CPD: variants seen among roughly 807,000 people sequenced by gnomAD.
CPD encodes the protein metallocarboxypeptidase D.
Under a neutral mutation model 138.3 loss-of-function variants are expected in CPD, and 69 were observed. The ratio of observed to expected loss-of-function variants is 0.50; its 90% CI spans 0.41 to 0.61. The LOEUF (loss-of-function observed/expected upper bound fraction) is 0.61, where lower values mean the gene tolerates loss of function less well. CPD is among the 20% of genes least tolerant of loss of function. CPD has a pLI of 0.00. For synonymous variants in CPD, 651 were observed against 642.1 expected (o/e 1.01, Z -0.21); for missense variants, 1,432 against 1,733.3 (o/e 0.83, Z 3.09).
rs184336537 is a variant in CPD at position 30,447,665 on chromosome 17, T to C, written c.2873+1645T>C. 31 of 152,266 alleles carry C rather than the reference T, an allele frequency of 2.0e-4. No individual in the cohort carries two copies. In the East Asian group the frequency reaches 5.0e-3, roughly 25 times the overall value. The allele number at this position is 152,266 out of a possible 1,614,324, so 9.4% of individuals were successfully genotyped here. On this transcript the variant is annotated intron_variant, in intron 12 of 20. Transcript: ENST00000225719. ...TTTTTAATTAGAAAATGAAGCCTAG[T>C]TGCTGTCCTAATTCTAGTCTCTATT...
intron 2 of CPD, among the ~76,000 whole-genome samples, chr17:30,400,801 G>A (rs1362771058): frequency 6.7e-6 from 1 of 149,634 alleles, no homozygotes; most frequent in African/African-American, 2.5e-5. Flanking sequence ...GGGACTACAG[G>A]CGCCTACCAC....
chr17:30,400,985 C>T (rs1037878673), intron 2 of CPD, among the ~76,000 whole-genome samples: 1 of 151,952 alleles, frequency 6.6e-6, no homozygotes, highest in Non-Finnish European at 1.5e-5. Flanking sequence ...CCTTGCCATC[C>T]TTCTTGAAGG....
intron 2 of CPD, among the ~76,000 whole-genome samples, chr17:30,390,340 T>C (rs1271635334): frequency 2.6e-5 from 4 of 152,192 alleles, no homozygotes; most frequent in Non-Finnish European, 5.9e-5. Flanking sequence ...ATGTTCTATG[T>C]GATATATTTA....
chr17:30,448,727 CCA>C (rs1056495902), intron 12 of CPD, among the ~76,000 whole-genome samples: 3 of 151,982 alleles, frequency 2.0e-5, no homozygotes, highest in Non-Finnish European at 4.4e-5. Flanking sequence ...ATTTTTTTCC[CCA>C]CTCAAATTAC....
At chr17:30,464,094 TAAAG>T (rs1913565025) in intron 20 of CPD, among the ~76,000 whole-genome samples, 1 of 151,930 alleles carries the variant, frequency 6.6e-6, no homozygotes, top group African/African-American at 2.4e-5. Flanking sequence ...TGCATATGCA[TAAAG>T]AAAGATCTGG....
chr17:30,458,877 A>G (rs1188039990), intron 17 of CPD, among the ~76,000 whole-genome samples: 1 of 151,866 alleles, frequency 6.6e-6, no homozygotes. Context: ...AAAAAAAAAA[A>G]AAGAAAAAAA....
chr17:30,451,605 A>T, intron 13 of CPD, 106 bp from the exon 14 acceptor site: 2 of 995,094 alleles, frequency 2.0e-6, no homozygotes, highest in Non-Finnish European at 2.9e-6. Context: ...TCTGTCTTTT[A>T]AATTAACTAT....
chr17:30,417,063 C>T (rs1357773099), intron 2 of CPD, among the ~76,000 whole-genome samples: 1 of 150,886 alleles, frequency 6.6e-6, no homozygotes, highest in East Asian at 1.9e-4. Flanking sequence ...GATCGCGCCA[C>T]TGCACTCCAG....
At chr17:30,388,923 G>A (rs1911269678) in intron 2 of CPD, among the ~76,000 whole-genome samples, 1 of 152,136 alleles carries the variant, frequency 6.6e-6, no homozygotes, top group South Asian at 2.1e-4. Flanking sequence ...CAAGTGGCCC[G>A]CGCAGAGCCT....
Position 30,379,620 on chromosome 17 carries a change from C to G in CPD, c.640C>G (p.Arg214Gly). 6.7e-7 allele frequency: 1 copy of G among 1,484,084 alleles called. No homozygotes were observed. Among genetic ancestry groups the G allele is most frequent in the Non-Finnish European group, 8.8e-7 (1 of 1,132,774 alleles). 91.9% of individuals were successfully genotyped at this position (1,484,084 alleles called of 1,614,324 possible). Reference sequence around the variant, plus strand: ...CAGCGGCCGCGACAATAGTCGCGGCCGCGACCTCAACCGAAGCTTTCCCGA... The same window carrying G: ...CAGCGGCCGCGACAATAGTCGCGGCGGCGACCTCAACCGAAGCTTTCCCGA... The part of the protein sequence containing the change: ...GASGRDNSRG[R>G]DLNRSFPDQF... Residue 214 changes from arginine (R) to glycine (G), a missense_variant, in exon 1 of 21, where the codon CGC (arginine) becomes GGC (glycine). By Grantham distance (125) the Arg-to-Gly change is moderately radical (BLOSUM62 -2). Coordinates refer to ENST00000225719, the MANE Select transcript of CPD (RefSeq NM_001304.5). The surrounding 1 kb of genome is among the most constrained non-coding windows in gnomAD (Gnocchi z 7.0).
chr17:30,427,905 C>T (rs1212168488), intron 7 of CPD, among the ~76,000 whole-genome samples: 1 of 151,418 alleles, frequency 6.6e-6, no homozygotes, highest in Non-Finnish European at 1.5e-5. Context: ...CCTCTCCTCT[C>T]CTTCTCCCCC....
At chr17:30,412,181 A>G (rs1911984983) in intron 2 of CPD, among the ~76,000 whole-genome samples, 1 of 152,198 alleles carries the variant, frequency 6.6e-6, no homozygotes, top group East Asian at 1.9e-4. Context: ...AGGTCTCACC[A>G]GTGGAGGCTG....
At chr17:30,440,125 A>G (rs1332133638) in intron 9 of CPD, among the ~76,000 whole-genome samples, 47 of 125,834 alleles carry the variant, frequency 3.7e-4, no homozygotes, top group African/African-American at 1.4e-3. Context: ...ATGGTATCTC[A>G]TTGTGGTTTT....
At chr17:30,455,494 A>G (rs1913269636) in intron 15 of CPD, 24 bp downstream of exon 15, 1 of 1,599,740 alleles carries the variant, frequency 6.3e-7, no homozygotes. Context: ...CATTTTATAT[A>G]TATACTGTTT....
At chr17:30,419,475 G>A (rs1912207674) in intron 2 of CPD, among the ~76,000 whole-genome samples, 2 of 152,148 alleles carry the variant, frequency 1.3e-5, no homozygotes, top group Admixed American at 1.3e-4. Flanking sequence ...GAGTAGCTGG[G>A]ACTACAGGCA....
intron 14 of CPD, among the ~76,000 whole-genome samples, chr17:30,452,368 G>A (rs983693951): frequency 6.6e-6 from 1 of 151,264 alleles, no homozygotes; most frequent in Non-Finnish European, 1.5e-5. Context: ...CGCCTCTTGG[G>A]TTAAGCAATT....
At chr17:30,410,027 A>T (rs1302992867) in intron 2 of CPD, among the ~76,000 whole-genome samples, 1 of 152,144 alleles carries the variant, frequency 6.6e-6, no homozygotes, top group Non-Finnish European at 1.5e-5. Context: ...CACTGCTTTA[A>T]ATGTGTCCTA....
chr17:30,445,632 C>T (rs1055758207), intron 11 of CPD, 59 bp from the exon 12 acceptor site: 8 of 1,278,492 alleles, frequency 6.3e-6, no homozygotes, highest in African/African-American at 6.0e-5. Context: ...ACCTGCCTTC[C>T]CAGGGTTTGG....
At chr17:30,445,392 G>C (rs1912997779) in intron 11 of CPD, among the ~76,000 whole-genome samples, 2 of 152,016 alleles carry the variant, frequency 1.3e-5, no homozygotes, top group Admixed American at 1.3e-4. Flanking sequence ...TTGAACCCAG[G>C]AGGCGGAGGT....
Sources: gnomAD v4.1 joint callset for allele counts (sites outside exome capture counted in the v4.1 genomes callset) on GRCh38, gnomAD v4.1.1 for gene constraint, Gnocchi (gnomAD v3.1) non-coding constraint, MANE v1.5 for transcripts, NCBI Gene and HGNC (gene_info 2026-07-23, HGNC 2026-07-21) for gene names.